The following ISL1 variants were observed in gnomAD, a reference collection of about 807,000 sequenced individuals.
ISL1 encodes ISL LIM homeobox 1.
ISL1 carries 4 observed loss-of-function variants against 35.3 expected under a neutral mutation model. The observed-to-expected ratio is 0.11, with a 90% CI of 0.06 to 0.26. The LOEUF is 0.26. Among genes scored for constraint, ISL1 ranks in the 10% least tolerant of loss-of-function variants. ISL1 has a pLI of 1.00. For missense variants in ISL1, 340 were observed against 472.8 expected (o/e 0.72, Z 2.60); for synonymous variants, 186 against 172.3 (o/e 1.08, Z -0.62).
chr5:51,386,376 CTGTGTGTGTG>C (rs3138746), intron 2 of ISL1: 5,180 of 262,588 alleles, frequency 0.02, 192 homozygotes, highest in African/African-American at 0.094. Context: ...TCTCTCAACT[CTGTGTGTGTG>C]TGTGTGTGTG....
At chr5:51,390,155 C>T (rs944759048) in intron 4 of ISL1, among the ~76,000 whole-genome samples, 2 of 152,074 alleles carry the variant, frequency 1.3e-5, no homozygotes, top group South Asian at 2.1e-4. Context: ...CTCCGTGCGC[C>T]GGGGGAGCAG....
In ISL1 at chr5:51,389,680, G is replaced by A. The variant is rs121913540; in HGVS notation, c.513G>A (p.Arg171=). ...TCTCCGCCAGGCAGCCAGCCCTGCGGCCCCACGTCCACAAGCAGCCGGAGA... is the reference window on the plus strand; with the variant it reads ...TCTCCGCCAGGCAGCCAGCCCTGCGACCCCACGTCCACAAGCAGCCGGAGA... ...EPISARQPAL[R]PHVHKQPEKT... The change falls in exon 4 of 6, where the codon CGG becomes CGA. Residue 171 remains arginine, a synonymous_variant. Coordinates refer to ENST00000230658, the MANE Select transcript of ISL1 (RefSeq NM_002202.3). The surrounding 1 kb of genome is among the most constrained non-coding windows in gnomAD (Gnocchi z 5.0). The A allele has an allele frequency of 4.5e-3, 7,318 of 1,612,232 alleles. 105 individuals carry two copies. The highest frequency in any genetic ancestry group is 0.031 in the Middle Eastern group (159 of 5,176).
At chr5:51,384,837 T>A (rs1747304265) in intron 2 of ISL1, 107 bp downstream of exon 2, 2 of 1,089,952 alleles carry the variant, frequency 1.8e-6, no homozygotes, top group South Asian at 2.5e-5. Context: ...TTTGCCTCAG[T>A]GTAGTCATAC....
chr5:51,387,679 G>T lies in ISL1; in HGVS notation c.408G>T (p.Val136=), dbSNP rs754133508. Residue 136 remains valine (V), a synonymous_variant, in exon 3 of 6, where the codon GTG becomes GTT. Coordinates refer to ENST00000230658, the MANE Select transcript of ISL1 (RefSeq NM_002202.3). The surrounding 1 kb of genome is among the most constrained non-coding windows in gnomAD (Gnocchi z 4.3). Reference sequence around the variant, plus strand: ...TCTGCCGAGCAGACCACGATGTGGTGGAGAGGGCCAGTCTAGGCGCTGGCG... The same window carrying T: ...TCTGCCGAGCAGACCACGATGTGGTTGAGAGGGCCAGTCTAGGCGCTGGCG... ...GLFCRADHDV[V]ERASLGAGDP... is the part of the protein sequence containing the mutation. 1.1e-5 allele frequency: 18 copies of T among 1,614,232 alleles called. No individual in the cohort carries two copies. In the Admixed American group the frequency reaches 2.0e-4, roughly 18 times the overall value.
chr5:51,384,415 A>AAAG lies in ISL1; in HGVS notation c.29-124_29-123insGAA, dbSNP rs569618185. 985 of 782,950 alleles carry AAAG rather than the reference A, an allele frequency of 1.3e-3. 1 individual carries two copies. In the East Asian group the frequency reaches 0.022, roughly 18 times the overall value. 48.5% of individuals were successfully genotyped at this position (782,950 alleles called of 1,614,324 possible). A position where few individuals can be genotyped will look rare whatever the true frequency, so the allele number is the denominator to read the frequency against. On this transcript the variant is annotated intron_variant, in intron 1 of 5. Coordinates refer to ENST00000230658, the MANE Select transcript of ISL1 (RefSeq NM_002202.3). ...AAGTGCAATGCTCTAAAAAAAAAAA[A>AAAG]AAAGAAAGAAAGAAAGAAAGAAAAA...
Position 51,389,942 on chromosome 5 carries a change from T to C in ISL1, c.765+10T>C. 2 of 1,612,338 alleles carry C rather than the reference T, an allele frequency of 1.2e-6. No homozygotes were observed. The highest frequency in any genetic ancestry group is 1.7e-6 in the Non-Finnish European group (2 of 1,178,610). On this transcript the variant is annotated intron_variant, in intron 4 of 5. Coordinates refer to ENST00000230658, the MANE Select transcript of ISL1 (RefSeq NM_002202.3). The surrounding 1 kb of genome is among the most constrained non-coding windows in gnomAD (Gnocchi z 5.0). ...GCCCAATGACAAAACTGTGAGTGGCTCTGGGGCCGGGCAGGGAATGCGAGG... is the reference window on the plus strand; with the variant it reads ...GCCCAATGACAAAACTGTGAGTGGCCCTGGGGCCGGGCAGGGAATGCGAGG...
In ISL1 at chr5:51,391,367, T is replaced by C. The variant is rs1747509668; in HGVS notation, c.859T>C (p.Tyr287His). Residue 287 changes from tyrosine (Y) to histidine (H), a missense_variant, in exon 5 of 6, where the codon TAC becomes CAC. Tyr to His is a moderately conservative substitution (Grantham distance 83). Coordinates refer to ENST00000230658, the MANE Select transcript of ISL1 (RefSeq NM_002202.3). ...GGCTAACCCAGTGGAAGTACAAAGT[T>C]ACCAGCCACCTTGGAAAGTACTGAG... ...LQANPVEVQS[Y>H]QPPWKVLSDF... 6.2e-7 allele frequency: 1 copy of C among 1,614,026 alleles called. No individual in the cohort carries two copies. Among genetic ancestry groups the C allele is most frequent in the Non-Finnish European group, 8.5e-7 (1 of 1,180,034 alleles).
Position 51,384,874 on chromosome 5 carries a change from T to TA in ISL1, c.218+151dup, listed in dbSNP as rs151276558. On this transcript the variant is annotated intron_variant, in intron 2 of 5. Coordinates refer to ENST00000230658, the MANE Select transcript of ISL1 (RefSeq NM_002202.3). ...AGCCAAAGTTACCCTGTACATGTGTTAAAAAAATCAAGCTATGCTGTTCAT... is the reference window on the plus strand; with the variant it reads ...AGCCAAAGTTACCCTGTACATGTGTTAAAAAAAATCAAGCTATGCTGTTCAT... 4,547 of 774,950 alleles carry TA rather than the reference T, an allele frequency of 5.9e-3. 175 individuals carry two copies. The African/African-American group carries it at 0.072, about 12-fold the overall frequency. The allele number at this position is 774,950 out of a possible 1,614,324, so 48.0% of individuals were successfully genotyped here.
Position 51,387,837 on chromosome 5 carries a change from G to A in ISL1, c.478+88G>A. ...CACAACAACTATGGTAGCTACAGGG[G>A]TGGTCGTAGTGTTTGCCTGCAGTTA... is the stretch of plus-strand genomic sequence containing the variant. On this transcript the variant is annotated intron_variant, in intron 3 of 5. Transcript: ENST00000230658. This position sits in a 1 kb window ranked among gnomAD's most constrained non-coding sequence, Gnocchi z 4.3. 1.3e-6 allele frequency: 2 copies of A among 1,528,740 alleles called. No homozygotes were observed. Among genetic ancestry groups the A allele is most frequent in the South Asian group, 2.3e-5 (2 of 86,266 alleles). 94.7% of individuals were successfully genotyped at this position (1,528,740 alleles called of 1,614,324 possible).
At position 51,391,343 on chromosome 5, in the gene ISL1, G is replaced by A. The variant is rs770127886; in HGVS notation, c.835G>A (p.Ala279Thr). 1.1e-5 allele frequency: 17 copies of A among 1,613,928 alleles called. No individual in the cohort carries two copies. Among genetic ancestry groups the A allele is most frequent in the Non-Finnish European group, 1.4e-5 (17 of 1,180,042 alleles). Residue 279 changes from alanine to threonine, a missense_variant, in exon 5 of 6, where the codon GCT (alanine) becomes ACT (threonine). Coordinates refer to ENST00000230658, the MANE Select transcript of ISL1 (RefSeq NM_002202.3). ...SPERHDGGLQ[A>T]NPVEVQSYQP... ...AGAGAGACACGACGGTGGCTTACAG[G>A]CTAACCCAGTGGAAGTACAAAGTTA...
At position 51,391,324 on chromosome 5, in the gene ISL1, A is replaced by G; in HGVS notation, c.816A>G (p.Arg272=). ...CCATGGTGGCTGCCAGTCCAGAGAG[A>G]CACGACGGTGGCTTACAGGCTAACC... The part of the protein sequence containing the change: ...GTPMVAASPE[R]HDGGLQANPV... Residue 272 remains arginine (R), a synonymous_variant, in exon 5 of 6, where the codon AGA becomes AGG. Transcript: ENST00000230658. 6.2e-7 allele frequency: 1 copy of G among 1,613,728 alleles called. No homozygotes were observed. Among genetic ancestry groups the G allele is most frequent in the Non-Finnish European group, 8.5e-7 (1 of 1,180,008 alleles).
At position 51,387,406 on chromosome 5, in the gene ISL1, G is replaced by C. The variant is rs567936540; in HGVS notation, c.219-84G>C. 1 of 1,479,154 alleles carries C rather than the reference G, an allele frequency of 6.8e-7. No homozygotes were observed. Among genetic ancestry groups the C allele is most frequent in the South Asian group, 1.2e-5 (1 of 84,140 alleles). The allele number at this position is 1,479,154 out of a possible 1,614,324, so 91.6% of individuals were successfully genotyped here. A position where few individuals can be genotyped will look rare whatever the true frequency, so the allele number is the denominator to read the frequency against. The stretch of plus-strand genomic sequence containing the variant: ...CGTCTTGCCCGGGATCTTGGGCCAG[G>C]GAAGTGCCGGCCTGAAGTGACCCCC... On this transcript the variant is annotated intron_variant, in intron 2 of 5. Coordinates refer to ENST00000230658, the MANE Select transcript of ISL1 (RefSeq NM_002202.3). The surrounding 1 kb of genome is among the most constrained non-coding windows in gnomAD (Gnocchi z 4.3).
rs977386755 is a variant in ISL1 at position 51,387,889 on chromosome 5, G to T, written c.478+140G>T. 6 of 1,098,158 alleles carry T rather than the reference G, an allele frequency of 5.5e-6. No individual in the cohort carries two copies. Among genetic ancestry groups the T allele is most frequent in the Non-Finnish European group, 4.0e-6 (3 of 757,756 alleles). 68.0% of individuals were successfully genotyped at this position (1,098,158 alleles called of 1,614,324 possible). ...ATGAAGTGTTCTGTATGCAATTTGC[G>T]CTGTGCTCTGCTCCTTTGCAGCAAG... is the stretch of plus-strand genomic sequence containing the variant. On this transcript the variant is annotated intron_variant, in intron 3 of 5. Coordinates refer to ENST00000230658, the MANE Select transcript of ISL1 (RefSeq NM_002202.3). The surrounding 1 kb of genome is among the most constrained non-coding windows in gnomAD (Gnocchi z 4.3).
chr5:51,390,007 C>A (rs1052732857), intron 4 of ISL1, 75 bp downstream of exon 4: 39 of 1,518,898 alleles, frequency 2.6e-5, no homozygotes, highest in African/African-American at 2.2e-4. Context: ...TCCTGGTACG[C>A]AGGATCGCAC....
intron 2 of ISL1, 73 bp downstream of exon 2, chr5:51,384,803 G>C: frequency 4.3e-6 from 6 of 1,409,008 alleles, no homozygotes; most frequent in Non-Finnish European, 6.0e-6. Context: ...GTATTATTTG[G>C]TGTGGCTTTG....
At chr5:51,386,493 C>T (rs1580727696) in intron 2 of ISL1, 1 of 443,520 alleles carries the variant, frequency 2.3e-6, no homozygotes. Flanking sequence ...ATGCCTCCTC[C>T]TGTTATGTGG....
At chr5:51,392,091 G>A (rs1747528108) in intron 5 of ISL1, among the ~76,000 whole-genome samples, 1 of 152,088 alleles carries the variant, frequency 6.6e-6, no homozygotes, top group Admixed American at 6.5e-5. Flanking sequence ...GAGTTCAAAT[G>A]TCATAGAGAC....
At chr5:51,383,784 C>T (rs566461583) in intron 1 of ISL1, 85 bp downstream of exon 1, 4 of 1,199,200 alleles carry the variant, frequency 3.3e-6, no homozygotes, top group Non-Finnish European at 5.0e-6. Flanking sequence ...GTGCCAAGGG[C>T]TCTTTGGAGT....
chr5:51,392,703 A>G (rs1431420266), intron 5 of ISL1, among the ~76,000 whole-genome samples: 2 of 152,230 alleles, frequency 1.3e-5, no homozygotes, highest in African/African-American at 4.8e-5. Flanking sequence ...GGGAGGCTTC[A>G]GGGCAGCCAA....
Sources: allele counts gnomAD v4.1 joint callset (sites outside exome capture counted in the v4.1 genomes callset), GRCh38; gene constraint gnomAD v4.1.1; non-coding constraint Gnocchi (gnomAD v3.1); transcripts MANE v1.5; gene names NCBI Gene and HGNC (gene_info 2026-07-23, HGNC 2026-07-21).